Variants in ASIC2 observed in about 807,000 individuals in gnomAD.
ASIC2 encodes acid sensing ion channel subunit 2.
A neutral mutation model predicts 57.3 loss-of-function variants in ASIC2; 25 were observed. The ratio of observed to expected loss-of-function variants is 0.44; its 90% CI spans 0.32 to 0.61. The LOEUF (loss-of-function observed/expected upper bound fraction) is 0.61, where lower values mean the gene tolerates loss of function less well. ASIC2 is among the 20% of genes least tolerant of loss of function. ASIC2 has a pLI of 0.06. For missense variants in ASIC2, 641 were observed against 738.1 expected, an observed-to-expected ratio of 0.87 and a Z score of 1.52; for synonymous variants, 319 against 307.5, an observed-to-expected ratio of 1.04 and a Z score of -0.39.
At chr17:33,159,767 C>T (rs1311687058) in intron 1 of ASIC2, among the ~76,000 whole-genome samples, 1 of 152,156 alleles carries the variant, frequency 6.6e-6, no homozygotes, top group Non-Finnish European at 1.5e-5. Context: ...CTATATTGAA[C>T]TGTGTGACTT....
intron 1 of ASIC2, among the ~76,000 whole-genome samples, chr17:33,349,507 A>G (rs1255264036): frequency 1.3e-5 from 2 of 152,142 alleles, no homozygotes; most frequent in African/African-American, 4.8e-5. Context: ...ATGCCCTACC[A>G]GGCCACCTTC....
rs542549392 is a variant in ASIC2 at position 33,529,147 on chromosome 17, G to C, written c.556-417080C>G. Among the ~76,000 whole-genome samples, 4 of 152,314 alleles carry C rather than the reference G, an allele frequency of 2.6e-5. No individual in the cohort carries two copies. The South Asian group carries it at 8.3e-4, about 32-fold the overall frequency. On this transcript the variant is annotated intron_variant, in intron 1 of 9. Coordinates refer to the ASIC2 transcript ENST00000359872. ...GGAGTGAACTTTGGGGACATCTTGG[G>C]TTTGGACTAAATTTTTAAGACTAGC... is the stretch of plus-strand genomic sequence containing the variant.
At chr17:33,286,614 G>T (rs1418181222) in intron 1 of ASIC2, among the ~76,000 whole-genome samples, 1 of 152,092 alleles carries the variant, frequency 6.6e-6, no homozygotes, top group Non-Finnish European at 1.5e-5. Context: ...TCTTGCAATG[G>T]ACTCCTGTCC....
chr17:34,017,716 C>T (rs947969380), intron 1 of ASIC2, among the ~76,000 whole-genome samples: 1 of 152,170 alleles, frequency 6.6e-6, no homozygotes, highest in Admixed American at 6.5e-5. Context: ...AAAATCAAAC[C>T]AGTAACAGCA....
chr17:33,233,010 G>A (rs1908167315), intron 1 of ASIC2, among the ~76,000 whole-genome samples: 1 of 152,098 alleles, frequency 6.6e-6, no homozygotes, highest in Admixed American at 6.5e-5. Context: ...GTGAAGTGGG[G>A]GAAGGGGGCT....
intron 1 of ASIC2, among the ~76,000 whole-genome samples, chr17:33,750,444 C>G (rs1041249529): frequency 6.6e-6 from 1 of 152,162 alleles, no homozygotes; most frequent in Non-Finnish European, 1.5e-5. Context: ...TCAGGAGGCC[C>G]TGGAGCCTGG....
chr17:33,374,261 T>C (rs913949395), intron 1 of ASIC2, among the ~76,000 whole-genome samples: 1 of 152,190 alleles, frequency 6.6e-6, no homozygotes, highest in Admixed American at 6.5e-5. Flanking sequence ...CCTCTCAAAG[T>C]GCTGGGATTA....
chr17:33,195,060 T>G (rs1399188529), intron 1 of ASIC2, among the ~76,000 whole-genome samples: 5 of 152,198 alleles, frequency 3.3e-5, no homozygotes, highest in Non-Finnish European at 7.3e-5. Context: ...GGGAACAAGC[T>G]AAGTCGGGCT....
intron 1 of ASIC2, among the ~76,000 whole-genome samples, chr17:33,402,903 A>T (rs1910333284): frequency 6.6e-6 from 1 of 152,230 alleles, no homozygotes; most frequent in South Asian, 2.1e-4. Context: ...AATCAAAATC[A>T]CAGTGAGATA....
At chr17:33,075,877 C>T (rs1598264546) in intron 3 of ASIC2, among the ~76,000 whole-genome samples, 1 of 152,282 alleles carries the variant, frequency 6.6e-6, no homozygotes, top group Non-Finnish European at 1.5e-5. Context: ...AGCAGGACAT[C>T]CCAGTGGTAC....
intron 1 of ASIC2, among the ~76,000 whole-genome samples, chr17:33,405,571 C>T (rs983585575): frequency 5.3e-5 from 8 of 150,450 alleles, no homozygotes; most frequent in Non-Finnish European, 8.8e-5. Context: ...GCAACCTCTG[C>T]CTCCTGGGTT....
chr17:34,087,117 G>A (rs1166608669), intron 1 of ASIC2, among the ~76,000 whole-genome samples: 2 of 151,874 alleles, frequency 1.3e-5, no homozygotes, highest in Admixed American at 6.6e-5. Flanking sequence ...GTTAGTTGAT[G>A]CAGTTTCTTC....
At chr17:33,888,910 C>T (rs1597917962) in intron 1 of ASIC2, among the ~76,000 whole-genome samples, 1 of 152,068 alleles carries the variant, frequency 6.6e-6, no homozygotes, top group Non-Finnish European at 1.5e-5. Context: ...ACGTAGGAAC[C>T]ATTGCATGGG....
At chr17:33,029,322 C>G (rs972924026) in intron 3 of ASIC2, among the ~76,000 whole-genome samples, 1 of 152,214 alleles carries the variant, frequency 6.6e-6, no homozygotes, top group East Asian at 1.9e-4. Flanking sequence ...TATGAATTCT[C>G]TCACCATAGG....
intron 1 of ASIC2, among the ~76,000 whole-genome samples, chr17:33,141,245 T>C (rs1014856115): frequency 3.3e-5 from 5 of 152,250 alleles, no homozygotes; most frequent in African/African-American, 1.2e-4. Context: ...AGAAAGTATC[T>C]AGAGCATCCC....
intron 3 of ASIC2, among the ~76,000 whole-genome samples, chr17:33,040,296 ATC>A (rs749296548): frequency 8.1e-4 from 124 of 152,158 alleles, no homozygotes; most frequent in Non-Finnish European, 7.8e-4. Context: ...CCTCTCTGGG[ATC>A]TCTGTCTGTG....
chr17:33,641,062 A>G (rs971537985), intron 1 of ASIC2, among the ~76,000 whole-genome samples: 19 of 152,208 alleles, frequency 1.2e-4, no homozygotes, highest in Non-Finnish European at 1.9e-4. Context: ...TGCTGAAGTT[A>G]GGCCTGGTTA....
At chr17:33,922,938 A>G (rs1395848180) in intron 1 of ASIC2, among the ~76,000 whole-genome samples, 1 of 152,098 alleles carries the variant, frequency 6.6e-6, no homozygotes, top group African/African-American at 2.4e-5. Flanking sequence ...AGATGCTGTG[A>G]AGGGTCCTCT....
chr17:33,222,299 C>T (rs142590602), intron 1 of ASIC2, among the ~76,000 whole-genome samples: 4 of 152,178 alleles, frequency 2.6e-5, no homozygotes, highest in Non-Finnish European at 4.4e-5. Flanking sequence ...ACCTCTAAAA[C>T]GTTATAAGTG....
Sources: gnomAD v4.1 joint callset for allele counts (sites outside exome capture counted in the v4.1 genomes callset) on GRCh38, gnomAD v4.1.1 for gene constraint, MANE v1.5 for transcripts, NCBI Gene and HGNC (gene_info 2026-07-23, HGNC 2026-07-21) for gene names.